PRRC2A: variants seen among roughly 807,000 people sequenced by gnomAD.
PRRC2A encodes protein PRRC2A.
A neutral mutation model predicts 224.6 loss-of-function variants in PRRC2A; 59 were observed. That is an observed-to-expected ratio of 0.26 (90% CI 0.21 to 0.33). The LOEUF is 0.33. Ranked by LOEUF, PRRC2A falls within the 10% of genes least tolerant of loss-of-function variation. PRRC2A has a pLI of 1.00. For synonymous variants in PRRC2A, 1,194 were observed against 1,109.5 expected, an observed-to-expected ratio of 1.08 and a Z score of -1.51; for missense variants, 3,095 against 2,880.7, an observed-to-expected ratio of 1.07 and a Z score of -1.70.
chr6:31,627,733 C>G lies in PRRC2A; in HGVS notation c.1291-32C>G. On this transcript the variant is annotated intron_variant, in intron 11 of 30. Coordinates refer to ENST00000376033, the MANE Select transcript of PRRC2A (RefSeq NM_004638.4). The surrounding 1 kb of genome is among the most constrained non-coding windows in gnomAD (Gnocchi z 5.6). ...TGATAGAAAGCATAGTAACTGATTC[C>G]CCTGGCCCTGCTGGGTCTTGCCAAT... The G allele has an allele frequency of 6.2e-7, 1 of 1,605,708 alleles. No individual in the cohort carries two copies. The highest frequency in any genetic ancestry group is 1.3e-5 in the African/African-American group (1 of 74,812).
Position 31,627,074 on chromosome 6 carries a change from A to C in PRRC2A, c.1166A>C (p.Lys389Thr). ...CCCAACAGCGAACCGCCCACTCCTA[A>C]GACGGCCTGGGCAGAAACCTCTCGG... ...NSPNSEPPTP[K>T]TAWAETSRPP... The change falls in exon 11 of 31, where the codon AAG becomes ACG. Residue 389 changes from lysine to threonine, a missense_variant. Lys to Thr is a moderately conservative substitution (Grantham distance 78, BLOSUM62 -1). Transcript: ENST00000376033. The surrounding 1 kb of genome is among the most constrained non-coding windows in gnomAD (Gnocchi z 5.6). The C allele has an allele frequency of 6.2e-7, 1 of 1,614,224 alleles. No homozygotes were observed.
rs781493093 is a variant in PRRC2A at position 31,635,760 on chromosome 6, C to T, written c.5541+11C>T. ...CCTTCCAGTTCTCAGGTAGGCCCCG[C>T]TTCCCATTGCATGACCCCTTCAGTG... On this transcript the variant is annotated intron_variant, in intron 24 of 30. Coordinates refer to ENST00000376033, the MANE Select transcript of PRRC2A (RefSeq NM_004638.4). The T allele has an allele frequency of 1.9e-6, 3 of 1,570,252 alleles. No individual in the cohort carries two copies. The highest frequency in any genetic ancestry group is 3.9e-5 in the Admixed American group (2 of 51,264).
At position 31,637,247 on chromosome 6, in the gene PRRC2A, C is replaced by G. The variant is rs1777513723; in HGVS notation, c.6256C>G (p.Leu2086Val). ...TTCTTCCCTTAGGTCCTTCTCTGGC[C>G]TCAATTCCCGTCTCAAGGCCACGCC... ...TPPTGRSFSG[L>V]NSRLKATPST... The change falls in exon 30 of 31, where the codon CTC becomes GTC. Residue 2086 changes from leucine to valine, a missense_variant. Coordinates refer to ENST00000376033, the MANE Select transcript of PRRC2A (RefSeq NM_004638.4). 2 of 1,611,928 alleles carry G rather than the reference C, an allele frequency of 1.2e-6. No individual in the cohort carries two copies. Among genetic ancestry groups the G allele is most frequent in the Non-Finnish European group, 1.7e-6 (2 of 1,179,034 alleles).
chr6:31,636,802 C>T lies in PRRC2A; in HGVS notation c.6004C>T (p.Pro2002Ser), dbSNP rs377437869. ...NFGSLPPAPP[P>S]APPPLSLLPV... ...TGGCTCCCTGCCGCCAGCACCACCTCCTGCCCCACCTCCCCTTTCTCTGTT... is the reference window on the plus strand; with the variant it reads ...TGGCTCCCTGCCGCCAGCACCACCTTCTGCCCCACCTCCCCTTTCTCTGTT... Residue 2002 changes from proline (P) to serine (S), a missense_variant, in exon 28 of 31, where the codon CCT becomes TCT. By Grantham distance (74) the Pro-to-Ser change is moderately conservative (BLOSUM62 -1). Transcript: ENST00000376033. The surrounding 1 kb of genome is among the most constrained non-coding windows in gnomAD (Gnocchi z 4.3). 34 of 1,609,626 alleles carry T rather than the reference C, an allele frequency of 2.1e-5. No individual in the cohort carries two copies. The highest frequency in any genetic ancestry group is 2.6e-5 in the Non-Finnish European group (31 of 1,179,994).
intron 1 of PRRC2A, among the ~76,000 whole-genome samples, chr6:31,621,238 C>G (rs1470615932): frequency 6.6e-6 from 1 of 151,802 alleles, no homozygotes; most frequent in Non-Finnish European, 1.5e-5. Flanking sequence ...ACGGTTCTCT[C>G]GGAAGGGCGC....
chr6:31,629,211 C>G lies in PRRC2A; in HGVS notation c.1833C>G (p.Pro611=). The G allele has an allele frequency of 6.2e-7, 1 of 1,614,160 alleles. No homozygotes were observed. Among genetic ancestry groups the G allele is most frequent in the Non-Finnish European group, 8.5e-7 (1 of 1,180,012 alleles). Residue 611 remains proline (P), a synonymous_variant, in exon 13 of 31, where the codon CCC becomes CCG. Transcript: ENST00000376033. ...AAGAGGTTCCTCCTCCTACCACACC[C>G]CCAGTTCCAAAGGTGGAACCCAAGG... is the stretch of plus-strand genomic sequence containing the variant. ...PPEEVPPPTT[P]PVPKVEPKGD...
At chr6:31,633,343 T>C in intron 16 of PRRC2A, 36 bp from the exon 17 acceptor site, 6 of 1,589,154 alleles carry the variant, frequency 3.8e-6, no homozygotes, top group Non-Finnish European at 5.1e-6. Context: ...AGTAACGATT[T>C]AGTGGATACT....
intron 9 of PRRC2A, 57 bp from the exon 10 acceptor site, chr6:31,626,715 C>T (rs1447167027): frequency 6.9e-7 from 1 of 1,459,628 alleles, no homozygotes; most frequent in Admixed American, 2.0e-5. Flanking sequence ...TTCCAGACTA[C>T]CTCCCAAGAT....
At position 31,633,978 on chromosome 6, in the gene PRRC2A, C is replaced by G. The variant is rs571382051; in HGVS notation, c.4708C>G (p.Leu1570Val). The G allele has an allele frequency of 3.7e-6, 6 of 1,604,474 alleles. No individual in the cohort carries two copies. The highest frequency in any genetic ancestry group is 5.1e-6 in the Non-Finnish European group (6 of 1,177,812). Residue 1570 changes from leucine to valine, a missense_variant, in exon 18 of 31, where the codon CTG becomes GTG. Physicochemically the swap from Leu to Val is conservative, Grantham distance 32. This residue lies in a region of PRRC2A where 2,001 missense variants were observed against 1,764.9 expected (regional missense o/e 1.13). Transcript: ENST00000376033. Reference sequence around the variant, plus strand: ...GGAGCGGCCTCCCAGAAAACCAGAGCTGCTACAGGAGGTAAGGGATGGGTT... The same window carrying G: ...GGAGCGGCCTCCCAGAAAACCAGAGGTGCTACAGGAGGTAAGGGATGGGTT... Reference protein sequence around the residue: ...RRERPPRKPELLQEESLPPPH... With the variant: ...RRERPPRKPEVLQEESLPPPH...
At chr6:31,629,449 T>TGTCACGCCAATTTCCCCTA (rs1776286076) in intron 13 of PRRC2A, 99 bp from the exon 14 acceptor site, 1 of 1,450,510 alleles carries the variant, frequency 6.9e-7, no homozygotes, top group Non-Finnish European at 9.5e-7. Flanking sequence ...TTGTCTCCAT[T>TGTCACGCCAATTTCCCCTA]GTCACGCCAA....
Position 31,627,278 on chromosome 6 carries a change from T to G in PRRC2A, c.1290+80T>G, listed in dbSNP as rs1212241410. The G allele has an allele frequency of 3.8e-6, 4 of 1,052,058 alleles. No individual in the cohort carries two copies. The Admixed American group carries it at 7.3e-5, about 19-fold the overall frequency. The allele number at this position is 1,052,058 out of a possible 1,614,324, so 65.2% of individuals were successfully genotyped here. A position where few individuals can be genotyped will look rare whatever the true frequency, so the allele number is the denominator to read the frequency against. ...CTGAGTAATTGAAGCGGTTGTGATA[T>G]AGAGGAAGGGGGGTGCTAAAAATGG... On this transcript the variant is annotated intron_variant, in intron 11 of 30. Transcript: ENST00000376033. The surrounding 1 kb of genome is among the most constrained non-coding windows in gnomAD (Gnocchi z 5.6).
intron 2 of PRRC2A, among the ~76,000 whole-genome samples, 162 bp from the exon 3 acceptor site, chr6:31,623,570 A>G (rs1775560964): frequency 6.6e-6 from 1 of 152,146 alleles, no homozygotes; most frequent in Admixed American, 6.6e-5. Context: ...AATCAGCGCG[A>G]TTTCAGAGAT....
chr6:31,633,554 C>T lies in PRRC2A; in HGVS notation c.4495C>T (p.His1499Tyr). 1 of 1,613,060 alleles carries T rather than the reference C, an allele frequency of 6.2e-7. No homozygotes were observed. The highest frequency in any genetic ancestry group is 8.5e-7 in the Non-Finnish European group (1 of 1,179,976). ...AACTGCACCAGGGGGTCATCCAAGGCACAAGCCTGGGCTTCCCCAAGCCCC... is the reference window on the plus strand; with the variant it reads ...AACTGCACCAGGGGGTCATCCAAGGTACAAGCCTGGGCTTCCCCAAGCCCC... Reference protein sequence around the residue: ...SVTAPGGHPRHKPGLPQAPQG... With the variant: ...SVTAPGGHPRYKPGLPQAPQG... Residue 1499 changes from histidine (H) to tyrosine (Y), a missense_variant, in exon 17 of 31, where the codon CAC (histidine) becomes TAC (tyrosine). Coordinates refer to ENST00000376033, the MANE Select transcript of PRRC2A (RefSeq NM_004638.4).
Position 31,625,805 on chromosome 6 carries a change from A to T in PRRC2A, c.773A>T (p.Tyr258Phe), listed in dbSNP as rs1217997708. Residue 258 changes from tyrosine (Y) to phenylalanine (F), a missense_variant, in exon 8 of 31, where the codon TAT becomes TTT. This residue lies in a region of PRRC2A where 287 missense variants were observed against 275.3 expected (regional missense o/e 1.04). Transcript: ENST00000376033. The surrounding 1 kb of genome is among the most constrained non-coding windows in gnomAD (Gnocchi z 4.1). ...GMMPPFMYPP[Y>F]LPFPPPYGPQ... ...ACCCTTTTACAGATGTATCCCCCAT[A>T]TCTCCCGTTCCCTCCGCCCTATGGA... 12 of 1,580,264 alleles carry T rather than the reference A, an allele frequency of 7.6e-6. No homozygotes were observed. The Admixed American group carries it at 1.7e-4, about 22-fold the overall frequency.
At chr6:31,628,283 T>A in intron 12 of PRRC2A, 44 bp downstream of exon 12, 7 of 1,565,502 alleles carry the variant, frequency 4.5e-6, no homozygotes, top group Non-Finnish European at 6.0e-6. Context: ...AGATCACTGC[T>A]TCAAGGTGCT....
intron 2 of PRRC2A, chr6:31,623,148 G>A: frequency 1.3e-6 from 1 of 744,012 alleles, no homozygotes; most frequent in Non-Finnish European, 2.5e-6. Context: ...AATAAATGTG[G>A]ATTTGGGAAA....
At position 31,631,257 on chromosome 6, in the gene PRRC2A, C is replaced by G; in HGVS notation, c.2584C>G (p.Arg862Gly). Residue 862 changes from arginine to glycine, a missense_variant, in exon 16 of 31, where the codon CGT (arginine) becomes GGT (glycine). Physicochemically the swap from Arg to Gly is moderately radical, Grantham distance 125. This residue lies in a region of PRRC2A where 2,001 missense variants were observed against 1,764.9 expected (regional missense o/e 1.13). Transcript: ENST00000376033. This position sits in a 1 kb window ranked among gnomAD's most constrained non-coding sequence, Gnocchi z 4.5. ...SRFPLEEPGP[R>G]PLPWPPGSDE... Reference sequence around the variant, plus strand: ...CTTTCCTCTGGAGGAACCAGGGCCCCGTCCACTCCCCTGGCCCCCAGGCAG... The same window carrying G: ...CTTTCCTCTGGAGGAACCAGGGCCCGGTCCACTCCCCTGGCCCCCAGGCAG... 1 of 1,612,294 alleles carries G rather than the reference C, an allele frequency of 6.2e-7. No homozygotes were observed. Among genetic ancestry groups the G allele is most frequent in the Non-Finnish European group, 8.5e-7 (1 of 1,179,766 alleles).
At position 31,627,357 on chromosome 6, in the gene PRRC2A, G is replaced by A. The variant is rs922896047; in HGVS notation, c.1290+159G>A. Among the ~76,000 whole-genome samples the A allele has an allele frequency of 4.6e-5, 7 of 152,192 alleles. No individual in the cohort carries two copies. Among genetic ancestry groups the A allele is most frequent in the African/African-American group, 1.7e-4 (7 of 41,432 alleles). On this transcript the variant is annotated intron_variant, in intron 11 of 30. Transcript: ENST00000376033. The surrounding 1 kb of genome is among the most constrained non-coding windows in gnomAD (Gnocchi z 5.6). ...TCCTGGGAAGCTTTTAAATATCTTT[G>A]GTAATAGGGGAGTCTGGGTAAGAAG...
chr6:31,625,426 A>G lies in PRRC2A; in HGVS notation c.608-34A>G. On this transcript the variant is annotated intron_variant, in intron 6 of 30. Transcript: ENST00000376033. The surrounding 1 kb of genome is among the most constrained non-coding windows in gnomAD (Gnocchi z 4.1). ...AGCTGTGTTCACTTGTCCTCCAATC[A>G]TTGATACCTCTCTCTACCTTTTCCA... The G allele has an allele frequency of 6.2e-7, 1 of 1,609,440 alleles. No homozygotes were observed. The highest frequency in any genetic ancestry group is 8.5e-7 in the Non-Finnish European group (1 of 1,175,842).
Sources: allele counts gnomAD v4.1 joint callset (sites outside exome capture counted in the v4.1 genomes callset), GRCh38; gene constraint gnomAD v4.1.1; regional missense constraint gnomAD v4.1.1; non-coding constraint Gnocchi (gnomAD v3.1); transcripts MANE v1.5; gene names NCBI Gene and HGNC (gene_info 2026-07-23, HGNC 2026-07-21).